SLC35F3: variants seen among roughly 807,000 people sequenced by gnomAD.
The protein encoded by SLC35F3 is putative thiamine transporter SLC35F3.
SLC35F3 carries 25 observed loss-of-function variants against 49.9 expected under a neutral mutation model. The observed-to-expected ratio is 0.50, with a 90% confidence interval of 0.37 to 0.70. The LOEUF is 0.70. Ranked by LOEUF, SLC35F3 falls within the 30% of genes least tolerant of loss-of-function variation. The pLI is 0.00. For missense variants in SLC35F3, 525 were observed against 639.8 expected, an observed-to-expected ratio of 0.82 and a Z score of 1.94; for synonymous variants, 275 against 265.4, an observed-to-expected ratio of 1.04 and a Z score of -0.35.
chr1:233,913,313 T>C (rs954815346), intron 2 of SLC35F3, among the ~76,000 whole-genome samples: 1 of 152,176 alleles, frequency 6.6e-6, no homozygotes, highest in African/African-American at 2.4e-5. Context: ...TACAGTACAT[T>C]ACAGTACCAG....
At chr1:234,122,746 G>T (rs1665594618) in intron 2 of SLC35F3, among the ~76,000 whole-genome samples, 1 of 152,190 alleles carries the variant, frequency 6.6e-6, no homozygotes, top group African/African-American at 2.4e-5. Context: ...TTAGTCTGCT[G>T]AGAATGATGG....
chr1:234,214,587 C>CG lies in SLC35F3; in HGVS notation c.284-16829dup. On this transcript the variant is annotated intron_variant, in intron 2 of 7. Transcript: ENST00000366618. This position sits in a 1 kb window ranked among gnomAD's most constrained non-coding sequence, Gnocchi z 8.0. ...ACCAAAGTGGAAGGTAATGCGCGGCCGCCTCGCCCCGGGGGTCCCTGCACC... is the reference window on the plus strand; with the variant it reads ...ACCAAAGTGGAAGGTAATGCGCGGCCGGCCTCGCCCCGGGGGTCCCTGCACC... 6.5e-7 allele frequency: 1 copy of CG among 1,528,576 alleles called. No homozygotes were observed. The highest frequency in any genetic ancestry group is 8.8e-7 in the Non-Finnish European group (1 of 1,138,684). 94.7% of individuals were successfully genotyped at this position (1,528,576 alleles called of 1,614,324 possible).
chr1:234,296,125 G>A (rs1558101899), intron 3 of SLC35F3, among the ~76,000 whole-genome samples: 1 of 152,212 alleles, frequency 6.6e-6, no homozygotes, highest in African/African-American at 2.4e-5. Context: ...AGAGCTGAGC[G>A]CTGTTTCCCT....
rs139681399 is a variant in SLC35F3 at position 234,163,923 on chromosome 1, C to T, written c.284-67494C>T. ...GTGAAAGAACTTATTCAGTAACTGT[C>T]AGATTTCTTATCCCAATTTCAGGAA... On this transcript the variant is annotated intron_variant, in intron 2 of 7. Coordinates refer to ENST00000366618, the MANE Select transcript of SLC35F3 (RefSeq NM_173508.4). Among the ~76,000 whole-genome samples the T allele has an allele frequency of 1.5e-3, 229 of 152,002 alleles. 2 individuals carry two copies. The South Asian group carries it at 0.017, about 11-fold the overall frequency.
rs189416389 is a variant in SLC35F3, at chr1:234,295,705, G to A, written c.609-13396G>A. Among the ~76,000 whole-genome samples, 11 of 152,214 alleles carry A rather than the reference G, an allele frequency of 7.2e-5. No individual in the cohort carries two copies. The East Asian group carries it at 1.5e-3, about 21-fold the overall frequency. ...TTATTTGAAAATTCTTTTTCATAGC[G>A]AGCTAAATATACTCCTTTCTACCAC... is the stretch of plus-strand genomic sequence containing the variant. On this transcript the variant is annotated intron_variant, in intron 3 of 7. Transcript: ENST00000366618.
chr1:234,183,252 A>C (rs1207617322), intron 2 of SLC35F3, among the ~76,000 whole-genome samples: 1 of 142,876 alleles, frequency 7.0e-6, no homozygotes, highest in Non-Finnish European at 1.5e-5. Context: ...TCTTGACCTT[A>C]AGTGATCTGC....
intron 2 of SLC35F3, among the ~76,000 whole-genome samples, chr1:234,149,248 G>A (rs546207993): frequency 1.3e-5 from 2 of 152,160 alleles, no homozygotes; most frequent in South Asian, 4.2e-4. Context: ...TACCCATGGG[G>A]GACATTGTGA....
At chr1:234,248,313 T>C (rs1667678247) in intron 3 of SLC35F3, among the ~76,000 whole-genome samples, 3 of 144,556 alleles carry the variant, frequency 2.1e-5, no homozygotes, top group Admixed American at 6.8e-5. Flanking sequence ...GTTGGTCCAT[T>C]GTTTGGTGGG....
chr1:234,097,853 A>T (rs997190950), intron 2 of SLC35F3, among the ~76,000 whole-genome samples: 3 of 152,250 alleles, frequency 2.0e-5, no homozygotes, highest in Non-Finnish European at 2.9e-5. Context: ...TATGAAAGAG[A>T]TGAAGAGACA....
At position 234,252,498 on chromosome 1, in the gene SLC35F3, G is replaced by A. The variant is rs967155997; in HGVS notation, c.608+20757G>A. On this transcript the variant is annotated intron_variant, in intron 3 of 7. Transcript: ENST00000366618. The stretch of plus-strand genomic sequence containing the variant: ...GCAAACTAGAAAAAATATGTGTAAC[G>A]CATATGATAAACAAAGGGCTAATCT... Among the ~76,000 whole-genome samples the A allele has an allele frequency of 4.6e-5, 7 of 152,214 alleles. 1 individual carries two copies. The highest frequency in any genetic ancestry group is 6.8e-3 in the Middle Eastern group (2 of 294).
chr1:233,918,595 C>G (rs1287970441), intron 2 of SLC35F3, among the ~76,000 whole-genome samples: 3 of 152,160 alleles, frequency 2.0e-5, no homozygotes, highest in Admixed American at 1.3e-4. Flanking sequence ...TGGCAAAACC[C>G]TGTCCTACTA....
In SLC35F3 at chr1:234,323,235, G is replaced by T. The variant is rs765371968; in HGVS notation, c.1465G>T (p.Ala489Ser). 3.1e-5 allele frequency: 50 copies of T among 1,613,254 alleles called. No individual in the cohort carries two copies. The highest frequency in any genetic ancestry group is 1.6e-4 in the Middle Eastern group (1 of 6,082). ...GAACAGAAGAGCCCGCCCTTCCTTC[G>T]CCCGCTAACACCACTCCTCTAGAAC... ...SKNRRARPSFAR is the reference protein window; with the variant it reads ...SKNRRARPSFSR The change falls in exon 8 of 8, where the codon GCC becomes TCC. Residue 489 changes from alanine to serine, a missense_variant. Coordinates refer to ENST00000366618, the MANE Select transcript of SLC35F3 (RefSeq NM_173508.4). This position sits in a 1 kb window ranked among gnomAD's most constrained non-coding sequence, Gnocchi z 4.5.
intron 2 of SLC35F3, among the ~76,000 whole-genome samples, chr1:233,983,562 A>G (rs1476837228): frequency 2.0e-5 from 3 of 152,262 alleles, no homozygotes; most frequent in Non-Finnish European, 2.9e-5. Flanking sequence ...CCTTTTACAG[A>G]TAGAATTACT....
intron 2 of SLC35F3, among the ~76,000 whole-genome samples, chr1:234,167,373 C>T (rs545813488): frequency 6.6e-6 from 1 of 152,280 alleles, no homozygotes; most frequent in South Asian, 2.1e-4. Flanking sequence ...GGGCTGCAGC[C>T]CTGCTGGGAG....
At chr1:233,968,713 T>C (rs1662941954) in intron 2 of SLC35F3, among the ~76,000 whole-genome samples, 1 of 152,054 alleles carries the variant, frequency 6.6e-6, no homozygotes, top group Non-Finnish European at 1.5e-5. Flanking sequence ...TTGAACTCCT[T>C]ACCTCAAGTG....
intron 2 of SLC35F3, among the ~76,000 whole-genome samples, chr1:234,074,071 A>G (rs1375980877): frequency 6.6e-6 from 1 of 152,156 alleles, no homozygotes; most frequent in African/African-American, 2.4e-5. Flanking sequence ...TTGGTGCTAC[A>G]TTTTAAGAAA....
rs377443171 is a variant in SLC35F3, at chr1:234,298,236, T to C, written c.609-10865T>C. ...AAGGATTAAGGTATGCTGAAAGTGATTGAGGTAGTGTAGTTACTGTTTTAT... is the reference window on the plus strand; with the variant it reads ...AAGGATTAAGGTATGCTGAAAGTGACTGAGGTAGTGTAGTTACTGTTTTAT... On this transcript the variant is annotated intron_variant, in intron 3 of 7. Transcript: ENST00000366618. 3.9e-5 allele frequency among the ~76,000 whole-genome samples: 6 copies of C among 152,194 alleles called. No individual in the cohort carries two copies. In the East Asian group the frequency reaches 7.7e-4, roughly 20 times the overall value.
chr1:234,147,881 T>A (rs9435573), intron 2 of SLC35F3, among the ~76,000 whole-genome samples: 29,247 of 152,202 alleles, frequency 0.19, 4,386 homozygotes, highest in East Asian at 0.76. Context: ...AGGATGGACC[T>A]GGTGATTGGC....
At chr1:234,305,236 G>T (rs1041023858) in intron 3 of SLC35F3, among the ~76,000 whole-genome samples, 4 of 152,170 alleles carry the variant, frequency 2.6e-5, no homozygotes, top group African/African-American at 7.2e-5. Context: ...TCCCAGCTAG[G>T]ATTCTTTAAA....
Sources: gnomAD v4.1 joint callset for allele counts (sites outside exome capture counted in the v4.1 genomes callset) on GRCh38, gnomAD v4.1.1 for gene constraint, Gnocchi (gnomAD v3.1) non-coding constraint, MANE v1.5 for transcripts, NCBI Gene and HGNC (gene_info 2026-07-23, HGNC 2026-07-21) for gene names.